Variants in CBR4 observed in about 807,000 individuals in gnomAD.
CBR4 encodes 3-oxoacyl-[acyl-carrier-protein] reductase.
Under a neutral mutation model 21.0 loss-of-function variants are expected in CBR4, and 22 were observed. The ratio of observed to expected loss-of-function variants is 1.05; its 90% CI spans 0.75 to 1.50. The LOEUF is 1.50. CBR4 is among the 40% of genes most tolerant of loss of function. CBR4 has a pLI of 0.00. For synonymous variants in CBR4, 100 were observed against 104.4 expected, an observed-to-expected ratio of 0.96 and a Z score of 0.26; for missense variants, 302 against 286.3, an observed-to-expected ratio of 1.05 and a Z score of -0.40.
chr4:168,990,436 TA>T lies in CBR4; in HGVS notation c.536-109del, dbSNP rs966687743. The T allele has an allele frequency of 2.4e-3, 2,346 of 971,700 alleles. 5 individuals carry two copies. Among genetic ancestry groups the T allele is most frequent in the East Asian group, 3.5e-3 (97 of 27,568 alleles). The allele number at this position is 971,700 out of a possible 1,614,324, so 60.2% of individuals were successfully genotyped here. A position where few individuals can be genotyped will look rare whatever the true frequency, so the allele number is the denominator to read the frequency against. On this transcript the variant is annotated intron_variant, in intron 4 of 4. Coordinates refer to ENST00000306193, the MANE Select transcript of CBR4 (RefSeq NM_032783.5). The stretch of plus-strand genomic sequence containing the variant: ...CTGAAAATTTTAATTTGAAATTATT[TA>T]AAAAAAAATTTTTTTTTGAGACAGG...
intron 2 of CBR4, among the ~76,000 whole-genome samples, chr4:168,942,378 T>C (rs1039466829): frequency 2.0e-5 from 3 of 151,878 alleles, no homozygotes; most frequent in Non-Finnish European, 4.4e-5. Context: ...TCTGCACATG[T>C]AATCCCAGAA....
chr4:168,933,200 C>T (rs2126658885), intron 2 of CBR4, among the ~76,000 whole-genome samples: 1 of 151,984 alleles, frequency 6.6e-6, no homozygotes, highest in East Asian at 1.9e-4. Context: ...ATTAAATTCC[C>T]CAATTAAAAG....
At chr4:168,952,195 G>C (rs1236558205) in intron 2 of CBR4, among the ~76,000 whole-genome samples, 1 of 151,768 alleles carries the variant, frequency 6.6e-6, no homozygotes, top group Non-Finnish European at 1.5e-5. Flanking sequence ...TCTTCTACTT[G>C]TTCAATTCTA....
intron 2 of CBR4, among the ~76,000 whole-genome samples, chr4:168,913,602 A>ATAT: frequency 6.6e-6 from 1 of 152,094 alleles, no homozygotes; most frequent in Non-Finnish European, 1.5e-5. Flanking sequence ...TTACAATTCA[A>ATAT]CATCATGTGT....
At chr4:168,999,083 T>TCC (rs1730184902) in intron 4 of CBR4, among the ~76,000 whole-genome samples, 1 of 152,154 alleles carries the variant, frequency 6.6e-6, no homozygotes, top group Non-Finnish European at 1.5e-5. Context: ...CAGTATGATT[T>TCC]CCCATGAACA....
In CBR4 at chr4:168,988,580, C is replaced by T; in HGVS notation, c.*1570G>A. ...AGCTCCCCTACCTTACAAGCATCAA[C>T]TACTACATTGAAACCATTCTGAGTG... On this transcript the variant is annotated 3_prime_UTR_variant, in exon 5 of 5. Transcript: ENST00000306193. 1 of 985,458 alleles carries T rather than the reference C, an allele frequency of 1.0e-6. No homozygotes were observed. Among genetic ancestry groups the T allele is most frequent in the Non-Finnish European group, 1.2e-6 (1 of 829,922 alleles). The allele number at this position is 985,458 out of a possible 1,614,324, so 61.0% of individuals were successfully genotyped here. A position where few individuals can be genotyped will look rare whatever the true frequency, so the allele number is the denominator to read the frequency against.
intron 2 of CBR4, chr4:168,916,144 G>C: frequency 1.0e-6 from 1 of 1,001,166 alleles, no homozygotes; most frequent in South Asian, 1.3e-5. Context: ...TGGGCACAGT[G>C]GCTCACACCT....
intron 4 of CBR4, among the ~76,000 whole-genome samples, chr4:168,995,614 T>C (rs1042005859): frequency 5.4e-5 from 1 of 18,574 alleles, no homozygotes; most frequent in African/African-American, 8.2e-5. Context: ...ATATCATCCT[T>C]TCATTTCATT....
chr4:168,955,807 G>A (rs1418962724), intron 2 of CBR4, among the ~76,000 whole-genome samples: 1 of 152,150 alleles, frequency 6.6e-6, no homozygotes, highest in African/African-American at 2.4e-5. Flanking sequence ...CATAAAAGCT[G>A]CCAGCTATGC....
chr4:168,976,137 G>A (rs1196797983), intron 2 of CBR4, among the ~76,000 whole-genome samples: 1 of 152,158 alleles, frequency 6.6e-6, no homozygotes, highest in Non-Finnish European at 1.5e-5. Context: ...TGCTACTCAG[G>A]GAAGTTCACG....
At chr4:168,903,501 A>G (rs919837471) in intron 2 of CBR4, among the ~76,000 whole-genome samples, 3 of 152,216 alleles carry the variant, frequency 2.0e-5, no homozygotes, top group Non-Finnish European at 2.9e-5. Flanking sequence ...ATCCCTTCAT[A>G]TAAATAATAT....
At chr4:168,973,034 CA>C (rs1211123242) in intron 2 of CBR4, among the ~76,000 whole-genome samples, 3 of 152,090 alleles carry the variant, frequency 2.0e-5, no homozygotes, top group Non-Finnish European at 4.4e-5. Flanking sequence ...TTGGGATGAT[CA>C]TTATCTTTGT....
At chr4:168,972,290 A>T (rs957146663) in intron 2 of CBR4, among the ~76,000 whole-genome samples, 2 of 152,142 alleles carry the variant, frequency 1.3e-5, no homozygotes, top group African/African-American at 4.8e-5. Context: ...CATGAATTTT[A>T]GGATTGCTTT....
rs368468662 is a variant in CBR4, at chr4:168,947,625, G to C, written n.170-52860C>G. The stretch of plus-strand genomic sequence containing the variant: ...TAGCTTAGCTCCCACATATCAGTGA[G>C]AACATATGATGTTTGGTTTTCTATT... On this transcript the variant is annotated intron_variant and non_coding_transcript_variant, in intron 2 of 3. Coordinates refer to the CBR4 transcript ENST00000509108. 2.2e-3 allele frequency among the ~76,000 whole-genome samples: 329 copies of C among 152,272 alleles called. 10 individuals are homozygous for C. The South Asian group carries it at 0.065, about 30-fold the overall frequency.
Position 168,916,069 on chromosome 4 carries a change from C to G in CBR4, n.170-21304G>C, listed in dbSNP as rs780140461. Reference sequence around the variant, plus strand: ...GCTTGCATATCCTATTGCCCCACTTCTCCCTCACTTGCCATTTCTCTATAG... The same window carrying G: ...GCTTGCATATCCTATTGCCCCACTTGTCCCTCACTTGCCATTTCTCTATAG... On this transcript the variant is annotated intron_variant and non_coding_transcript_variant, in intron 2 of 3. Transcript: ENST00000509108. The G allele has an allele frequency of 1.1e-5, 18 of 1,579,778 alleles. No individual in the cohort carries two copies. The Admixed American group carries it at 1.3e-4, about 12-fold the overall frequency.
At chr4:168,954,999 T>G (rs1358764073) in intron 2 of CBR4, among the ~76,000 whole-genome samples, 1 of 152,194 alleles carries the variant, frequency 6.6e-6, no homozygotes, top group African/African-American at 2.4e-5. Context: ...GATAACTAAT[T>G]AAATGAACAA....
chr4:169,002,447 C>T (rs1441690137), intron 3 of CBR4, among the ~76,000 whole-genome samples: 1 of 152,174 alleles, frequency 6.6e-6, no homozygotes, highest in Admixed American at 6.5e-5. Flanking sequence ...ACTGCCAATG[C>T]AGGTGCTTGC....
intron 2 of CBR4, among the ~76,000 whole-genome samples, chr4:168,913,222 C>T (rs1258300569): frequency 1.3e-5 from 2 of 151,398 alleles, no homozygotes; most frequent in Non-Finnish European, 2.9e-5. Flanking sequence ...CTGCAACCTC[C>T]GCCTCCCGGG....
At chr4:168,993,513 CA>C (rs1279189335) in intron 4 of CBR4, among the ~76,000 whole-genome samples, 6 of 152,052 alleles carry the variant, frequency 3.9e-5, no homozygotes, top group Middle Eastern at 3.2e-3. Flanking sequence ...GCCCAGCCAA[CA>C]AAAGTATTTT....
Sources: allele counts gnomAD v4.1 joint callset (sites outside exome capture counted in the v4.1 genomes callset), GRCh38; gene constraint gnomAD v4.1.1; transcripts MANE v1.5; gene names NCBI Gene and HGNC (gene_info 2026-07-23, HGNC 2026-07-21).